Variants in ARHGEF1 observed in about 807,000 individuals in gnomAD.
ARHGEF1 encodes the protein 115 kDa guanine nucleotide exchange factor.
In ARHGEF1, 40 loss-of-function variants were observed where a neutral mutation model predicts 119.7. The ratio of observed to expected loss-of-function variants is 0.33; its 90% CI spans 0.26 to 0.44. The LOEUF (loss-of-function observed/expected upper bound fraction) is 0.44. ARHGEF1 is among the 20% of genes least tolerant of loss of function. ARHGEF1 has a pLI of 1.00. For missense variants in ARHGEF1, 976 were observed against 1,268.3 expected (o/e 0.77, Z 3.50); for synonymous variants, 494 against 521.0 (o/e 0.95, Z 0.71).
At chr19:41,912,064 C>T (rs2074755606), downstream of ARHGEF1, among the ~76,000 whole-genome samples, 1 of 152,094 alleles carries the variant, frequency 6.6e-6, no homozygotes, top group Non-Finnish European at 1.5e-5. Context: ...GGCTCCTCAC[C>T]CCACTCAGGC....
chr19:41,902,113 C>G lies in ARHGEF1; in HGVS notation c.1414+80C>G, dbSNP rs139440640. ...GCTCTAGCCCTGGGTTCAACCTGCTCGGGAACCCCAGGGTTCACATGGGGT... is the reference window on the plus strand; with the variant it reads ...GCTCTAGCCCTGGGTTCAACCTGCTGGGGAACCCCAGGGTTCACATGGGGT... On this transcript the variant is annotated intron_variant, in intron 15 of 28. Coordinates refer to ENST00000354532, the MANE Select transcript of ARHGEF1 (RefSeq NM_004706.4). This position sits in a 1 kb window ranked among gnomAD's most constrained non-coding sequence, Gnocchi z 6.5. The G allele has an allele frequency of 2.5e-6, 4 of 1,581,648 alleles. No homozygotes were observed. The highest frequency in any genetic ancestry group is 1.7e-4 in the Middle Eastern group (1 of 5,796).
chr19:41,909,927 G>C, downstream of ARHGEF1: 1 of 1,613,776 alleles, frequency 6.2e-7, no homozygotes, highest in Non-Finnish European at 8.5e-7. The surrounding 1 kb of genome is among the most constrained non-coding windows in gnomAD (Gnocchi z 5.2). Context: ...CCCCACAGCC[G>C]GGCCACCTCA....
Position 41,892,174 on chromosome 19 carries a change from A to G in ARHGEF1, c.324+51A>G. ...CCCTGCAATCCCTGTTTGGGCCTGC[A>G]GAGTCACCATGCGGTCCCCAGCCTC... On this transcript the variant is annotated intron_variant, in intron 5 of 28. Coordinates refer to ENST00000354532, the MANE Select transcript of ARHGEF1 (RefSeq NM_004706.4). The surrounding 1 kb of genome is among the most constrained non-coding windows in gnomAD (Gnocchi z 6.3). 1 of 1,579,904 alleles carries G rather than the reference A, an allele frequency of 6.3e-7. No individual in the cohort carries two copies. The highest frequency in any genetic ancestry group is 8.7e-7 in the Non-Finnish European group (1 of 1,153,358).
upstream of ARHGEF1, among the ~76,000 whole-genome samples, chr19:41,921,058 AGGGAGCGTCCCCGGGGAGGT>A (rs1555852443): frequency 1.3e-5 from 2 of 152,002 alleles, no homozygotes; most frequent in Non-Finnish European, 2.9e-5. The surrounding 1 kb of genome is among the most constrained non-coding windows in gnomAD (Gnocchi z 4.4). Flanking sequence ...AGGGGTGGCG[AGGGAGCGTCCCCGGGGAGGT>A]GGGAGCCGCA....
chr19:41,922,566 CAT>C (rs1379902130), upstream of ARHGEF1, among the ~76,000 whole-genome samples: 3 of 152,022 alleles, frequency 2.0e-5, no homozygotes, highest in African/African-American at 7.3e-5. Flanking sequence ...GGAGGGCAAA[CAT>C]GAGGGGCAGA....
At chr19:41,908,255 C>T, downstream of ARHGEF1, 1 of 1,231,726 alleles carries the variant, frequency 8.1e-7, no homozygotes. This position sits in a 1 kb window ranked among gnomAD's most constrained non-coding sequence, Gnocchi z 6.7. Context: ...CTTTGCCCGC[C>T]TTTGCCTTGG....
At chr19:41,929,993 T>C (rs1568839199) in exon 3 of ARHGEF1, 1 of 152,224 alleles carries the variant, frequency 6.6e-6, no homozygotes, top group African/African-American at 2.4e-5. Context: ...GGGACAATAA[T>C]GACCTCCCTC....
chr19:41,915,931 C>T (rs2074798286), intron 18 of ARHGEF1, among the ~76,000 whole-genome samples: 1 of 152,112 alleles, frequency 6.6e-6, no homozygotes, highest in Non-Finnish European at 1.5e-5. Context: ...CACAATCCCC[C>T]ACCCCCCTCC....
At chr19:41,897,422 C>T in intron 13 of ARHGEF1, 1 of 945,162 alleles carries the variant, frequency 1.1e-6, no homozygotes, top group South Asian at 1.7e-5. Context: ...CCCCTTCACT[C>T]CCTGTGAGGG....
chr19:41,917,598 C>A lies in ARHGEF1; in HGVS notation c.1866-5494C>A, dbSNP rs1235028004. On this transcript the variant is annotated intron_variant, in intron 18 of 20. Transcript: ENST00000599589. This position sits in a 1 kb window ranked among gnomAD's most constrained non-coding sequence, Gnocchi z 4.8. ...AGAGGAGAGAGACGCGGCCTAAGACCCTTCTGCCACCGCCGCCCCCGCATG... is the reference window on the plus strand; with the variant it reads ...AGAGGAGAGAGACGCGGCCTAAGACACTTCTGCCACCGCCGCCCCCGCATG... 6.6e-6 allele frequency among the ~76,000 whole-genome samples: 1 copy of A among 151,862 alleles called. No homozygotes were observed. Among genetic ancestry groups the A allele is most frequent in the Non-Finnish European group, 1.5e-5 (1 of 67,968 alleles).
chr19:41,929,062 T>G, intron 2 of ARHGEF1: 1 of 348,578 alleles, frequency 2.9e-6, no homozygotes, highest in Non-Finnish European at 5.9e-6. Context: ...CACACAGACC[T>G]GCCATCTATA....
At chr19:41,915,069 C>G (rs562217571) in intron 18 of ARHGEF1, among the ~76,000 whole-genome samples, 1 of 113,740 alleles carries the variant, frequency 8.8e-6, no homozygotes. Context: ...ACCTCTCCCC[C>G]ACCCATCGCT....
At position 41,905,314 on chromosome 19, in the gene ARHGEF1, G is replaced by A. The variant is rs1246704731; in HGVS notation, c.2336+53G>A. On this transcript the variant is annotated intron_variant, in intron 24 of 28. Transcript: ENST00000354532. The surrounding 1 kb of genome is among the most constrained non-coding windows in gnomAD (Gnocchi z 6.4). ...GGTTCAGGGAGTGGGGCCGGAAGGC[G>A]GGGCAGGCTTCCCTCCACAACTCCA... The A allele has an allele frequency of 6.6e-6, 10 of 1,514,548 alleles. No individual in the cohort carries two copies. The highest frequency in any genetic ancestry group is 6.1e-5 in the South Asian group (5 of 82,008). 93.8% of individuals were successfully genotyped at this position (1,514,548 alleles called of 1,614,324 possible).
At chr19:41,927,983 T>TGGGGCGGGAATCCCCGCCCCCTCCC (rs2074881821) in intron 1 of ARHGEF1, 3 of 150,400 alleles carry the variant, frequency 2.0e-5, no homozygotes, top group Non-Finnish European at 4.4e-5. Flanking sequence ...CGCCCCCTCC[T>TGGGGCGGGAATCCCCGCCCCCTCCC]GGGGCGGGAA....
At position 41,903,393 on chromosome 19, in the gene ARHGEF1, A is replaced by G. The variant is rs2074636307; in HGVS notation, c.1825A>G (p.Met609Val). The change falls in exon 19 of 29, where the codon ATG becomes GTG. Residue 609 changes from methionine (M) to valine (V), a missense_variant. By Grantham distance (21) the Met-to-Val change is conservative. Coordinates refer to ENST00000354532, the MANE Select transcript of ARHGEF1 (RefSeq NM_004706.4). This position sits in a 1 kb window ranked among gnomAD's most constrained non-coding sequence, Gnocchi z 4.2. ...LHHVNQAVRDMEDLLRLKDYQ... is the reference protein window; with the variant it reads ...LHHVNQAVRDVEDLLRLKDYQ... The stretch of plus-strand genomic sequence containing the variant: ...CCACGTCAACCAAGCCGTGCGTGAC[A>G]TGGAGGACCTGCTGGTGAGCCTGGG... The G allele has an allele frequency of 6.2e-7, 1 of 1,613,960 alleles. No homozygotes were observed. Among genetic ancestry groups the G allele is most frequent in the Non-Finnish European group, 8.5e-7 (1 of 1,180,008 alleles).
In ARHGEF1 at chr19:41,889,524, T is replaced by C. The variant is rs1178884092; in HGVS notation, c.225+659T>C. The C allele has an allele frequency of 6.6e-6, 1 of 152,274 alleles. No homozygotes were observed. Among genetic ancestry groups the C allele is most frequent in the Non-Finnish European group, 1.5e-5 (1 of 68,128 alleles). 9.4% of individuals were successfully genotyped at this position (152,274 alleles called of 1,614,324 possible). Reference sequence around the variant, plus strand: ...TGATTTAGAAAGGGAGAGGCCACAGTGCTGGCTGGCAGGGGATCTGTAGAC... The same window carrying C: ...TGATTTAGAAAGGGAGAGGCCACAGCGCTGGCTGGCAGGGGATCTGTAGAC... On this transcript the variant is annotated intron_variant, in intron 4 of 28. Coordinates refer to ENST00000354532, the MANE Select transcript of ARHGEF1 (RefSeq NM_004706.4). The surrounding 1 kb of genome is among the most constrained non-coding windows in gnomAD (Gnocchi z 4.0).
upstream of ARHGEF1, among the ~76,000 whole-genome samples, chr19:41,918,530 C>T (rs2074817547): frequency 6.8e-6 from 1 of 147,724 alleles, no homozygotes. Flanking sequence ...ACACACACAC[C>T]ATACACTCAC....
In ARHGEF1 at chr19:41,902,416, G is replaced by A. The variant is rs375760580; in HGVS notation, c.1497+60G>A. On this transcript the variant is annotated intron_variant, in intron 16 of 28. Transcript: ENST00000354532. The surrounding 1 kb of genome is among the most constrained non-coding windows in gnomAD (Gnocchi z 6.5). ...GACACATGGAATTCAGGCCCGGGAC[G>A]GGTCCTGAGCCCACCCTACTCCAGT... The A allele has an allele frequency of 1.1e-4, 181 of 1,611,750 alleles. No homozygotes were observed. The highest frequency in any genetic ancestry group is 6.5e-4 in the African/African-American group (49 of 74,904).
At position 41,903,880 on chromosome 19, in the gene ARHGEF1, A is replaced by C; in HGVS notation, c.1917+96A>C. ...CAGCCTGTCCTGCCCATCCCATAAT[A>C]CACCCAGGAAGCGAGAGCTCTGTCC... On this transcript the variant is annotated intron_variant, in intron 20 of 28. Coordinates refer to ENST00000354532, the MANE Select transcript of ARHGEF1 (RefSeq NM_004706.4). The surrounding 1 kb of genome is among the most constrained non-coding windows in gnomAD (Gnocchi z 4.2). 7.0e-7 allele frequency: 1 copy of C among 1,420,272 alleles called. No homozygotes were observed. Among genetic ancestry groups the C allele is most frequent in the Non-Finnish European group, 9.9e-7 (1 of 1,013,622 alleles). The allele number at this position is 1,420,272 out of a possible 1,614,324, so 88.0% of individuals were successfully genotyped here. A position where few individuals can be genotyped will look rare whatever the true frequency, so the allele number is the denominator to read the frequency against.
Sources: allele counts gnomAD v4.1 joint callset (sites outside exome capture counted in the v4.1 genomes callset), GRCh38; gene constraint gnomAD v4.1.1; non-coding constraint Gnocchi (gnomAD v3.1); transcripts MANE v1.5; gene names NCBI Gene and HGNC (gene_info 2026-07-23, HGNC 2026-07-21).